NDUFB6: variants seen among roughly 807,000 people sequenced by gnomAD.
The protein encoded by NDUFB6 is NADH:ubiquinone oxidoreductase subunit B6.
NDUFB6 carries 23 observed loss-of-function variants against 17.5 expected under a neutral mutation model. The observed-to-expected ratio is 1.31, with a 90% CI of 0.94 to 1.86. The LOEUF is 1.86. Among genes scored for constraint, NDUFB6 ranks in the 40% most tolerant of loss-of-function variants. NDUFB6 has a pLI of 0.00. For missense variants in NDUFB6, 167 were observed against 153.8 expected, an observed-to-expected ratio of 1.09 and a Z score of -0.46; for synonymous variants, 60 against 53.5, an observed-to-expected ratio of 1.12 and a Z score of -0.53.
At chr9:32,569,344 G>A (rs967981416) in intron 2 of NDUFB6, among the ~76,000 whole-genome samples, 4 of 151,950 alleles carry the variant, frequency 2.6e-5, no homozygotes, top group Middle Eastern at 3.4e-3. Context: ...TCAACCTCCC[G>A]AATAGCTGGG....
chr9:32,567,483 G>A (rs1397499889), intron 2 of NDUFB6: 1 of 427,630 alleles, frequency 2.3e-6, no homozygotes, highest in Non-Finnish European at 4.7e-6. Context: ...CGTGCACCAA[G>A]CCCGGCTAAT....
chr9:32,560,943 C>A (rs1324649247), intron 2 of NDUFB6, among the ~76,000 whole-genome samples: 1 of 152,154 alleles, frequency 6.6e-6, no homozygotes, highest in Non-Finnish European at 1.5e-5. Context: ...GTTCTTTCTG[C>A]ACATAAAAAT....
At chr9:32,570,307 G>T (rs1821910739) in intron 2 of NDUFB6, among the ~76,000 whole-genome samples, 1 of 152,070 alleles carries the variant, frequency 6.6e-6, no homozygotes, top group African/African-American at 2.4e-5. Context: ...GTATACGAAT[G>T]CCCTCCTCAC....
intron 2 of NDUFB6, among the ~76,000 whole-genome samples, chr9:32,562,412 G>C (rs116752901): frequency 7.3e-4 from 111 of 152,272 alleles, no homozygotes; most frequent in African/African-American, 2.6e-3. Flanking sequence ...CAATCAAAGA[G>C]AGTAAGTTAT....
At chr9:32,554,482 A>ACCT (rs767285769) in intron 3 of NDUFB6, among the ~76,000 whole-genome samples, 1 of 152,136 alleles carries the variant, frequency 6.6e-6, no homozygotes, top group Non-Finnish European at 1.5e-5. Flanking sequence ...GAATCTTGGA[A>ACCT]CCTCCACTGA....
intron 2 of NDUFB6, among the ~76,000 whole-genome samples, chr9:32,560,494 T>C (rs561937497): frequency 1.3e-5 from 2 of 152,354 alleles, no homozygotes; most frequent in South Asian, 2.1e-4. Context: ...CTGAAAACAT[T>C]GCTACATTCC....
chr9:32,553,757 C>G lies in NDUFB6; in HGVS notation c.*119G>C. The stretch of plus-strand genomic sequence containing the variant: ...TCTCAAATTGTACAATGCTTGAAAA[C>G]AGATATGACAATTTCTGAGATTAAA... On this transcript the variant is annotated 3_prime_UTR_variant, in exon 4 of 4. Transcript: ENST00000379847. The G allele has an allele frequency of 1.4e-6, 1 of 706,142 alleles. No individual in the cohort carries two copies. The highest frequency in any genetic ancestry group is 2.5e-6 in the Non-Finnish European group (1 of 406,024). 43.7% of individuals were successfully genotyped at this position (706,142 alleles called of 1,614,324 possible).
In NDUFB6 at chr9:32,568,278, G is replaced by C. The variant is rs1360577254; in HGVS notation, c.273+2682C>G. On this transcript the variant is annotated intron_variant, in intron 2 of 3. Transcript: ENST00000379847. Reference sequence around the variant, plus strand: ...GTGCAGGAAGGAACTCGATGTAGTGGATATAGCAAAAGAACTAGAATTAGA... The same window carrying C: ...GTGCAGGAAGGAACTCGATGTAGTGCATATAGCAAAAGAACTAGAATTAGA... 3.3e-5 allele frequency: 6 copies of C among 180,622 alleles called. No homozygotes were observed. In the East Asian group the frequency reaches 8.6e-4, roughly 26 times the overall value. The allele number at this position is 180,622 out of a possible 1,614,324, so 11.2% of individuals were successfully genotyped here. A position where few individuals can be genotyped will look rare whatever the true frequency, so the allele number is the denominator to read the frequency against.
intron 2 of NDUFB6, chr9:32,566,636 G>A: frequency 3.8e-6 from 3 of 793,730 alleles, no homozygotes; most frequent in Non-Finnish European, 6.9e-6. Flanking sequence ...CCACCATGGA[G>A]GAGCAGGAGC....
intron 2 of NDUFB6, chr9:32,567,029 C>A (rs764328620): frequency 2.0e-6 from 1 of 502,292 alleles, no homozygotes; most frequent in Non-Finnish European, 4.0e-6. Context: ...GCAGAGGTAG[C>A]CCTTGCGCAG....
At chr9:32,556,488 G>A (rs1413030777) in intron 3 of NDUFB6, among the ~76,000 whole-genome samples, 1 of 152,204 alleles carries the variant, frequency 6.6e-6, no homozygotes, top group African/African-American at 2.4e-5. Flanking sequence ...GTTTTGTTAA[G>A]CCATTGAGAT....
chr9:32,563,612 C>G (rs1821693578), intron 2 of NDUFB6, among the ~76,000 whole-genome samples: 2 of 151,532 alleles, frequency 1.3e-5, no homozygotes, highest in South Asian at 4.1e-4. Flanking sequence ...GTGTGAGCCA[C>G]TGTGCCCAGA....
intron 2 of NDUFB6, among the ~76,000 whole-genome samples, chr9:32,569,548 C>G (rs1019638817): frequency 9.9e-5 from 15 of 152,058 alleles, no homozygotes; most frequent in Admixed American, 2.0e-4. Context: ...GCATATCAAC[C>G]TGGCACCTAG....
chr9:32,569,901 A>G (rs1033231028), intron 2 of NDUFB6, among the ~76,000 whole-genome samples: 13 of 152,230 alleles, frequency 8.5e-5, no homozygotes, highest in African/African-American at 1.2e-4. Context: ...CAGTGTAAAC[A>G]TAACTTTTAT....
In NDUFB6 at chr9:32,557,916, T is replaced by G. The variant is rs530407165; in HGVS notation, c.318+994A>C. ...TTGATTAAAGCAAGAATCACACTTT[T>G]GTTATTTAAATTGTGTACTTTTGAG... On this transcript the variant is annotated intron_variant, in intron 3 of 3. Coordinates refer to ENST00000379847, the MANE Select transcript of NDUFB6 (RefSeq NM_002493.5). Among the ~76,000 whole-genome samples, 385 of 152,368 alleles carry G rather than the reference T, an allele frequency of 2.5e-3. 1 individual carries two copies. Among genetic ancestry groups the G allele is most frequent in the Non-Finnish European group, 4.6e-3 (313 of 68,040 alleles).
chr9:32,566,872 G>T, intron 2 of NDUFB6: 1 of 642,930 alleles, frequency 1.6e-6, no homozygotes, highest in Non-Finnish European at 2.7e-6. Flanking sequence ...GATGAGCCAC[G>T]CGTGCGGCTG....
chr9:32,553,678 G>C lies in NDUFB6; in HGVS notation c.*198C>G, dbSNP rs1480914496. 1.9e-6 allele frequency: 1 copy of C among 523,858 alleles called. No homozygotes were observed. The highest frequency in any genetic ancestry group is 3.3e-5 in the East Asian group (1 of 30,224). 32.5% of individuals were successfully genotyped at this position (523,858 alleles called of 1,614,324 possible). A position where few individuals can be genotyped will look rare whatever the true frequency, so the allele number is the denominator to read the frequency against. On this transcript the variant is annotated 3_prime_UTR_variant, in exon 4 of 4. Transcript: ENST00000379847. ...CAAGAATGACCAGAAAAAGTAGGTA[G>C]TCTCTCATATTTGTTTAGCATGTCC...
chr9:32,562,716 G>GAAATTAAC (rs1821659934), intron 2 of NDUFB6, among the ~76,000 whole-genome samples: 1 of 152,104 alleles, frequency 6.6e-6, no homozygotes, highest in Non-Finnish European at 1.5e-5. Flanking sequence ...TCAAGATCAG[G>GAAATTAAC]AAATTAACAC....
chr9:32,569,850 A>G, intron 2 of NDUFB6, among the ~76,000 whole-genome samples: 1 of 97,276 alleles, frequency 1.0e-5, no homozygotes, highest in Non-Finnish European at 2.3e-5. Flanking sequence ...AAGCATATAC[A>G]TCGTTCTTTT....
Sources: gnomAD v4.1 joint callset for allele counts (sites outside exome capture counted in the v4.1 genomes callset) on GRCh38, gnomAD v4.1.1 for gene constraint, MANE v1.5 for transcripts, NCBI Gene and HGNC (gene_info 2026-07-23, HGNC 2026-07-21) for gene names.